Variants in FOCAD observed in about 807,000 individuals in gnomAD.
FOCAD encodes KIAA1797.
A neutral mutation model predicts 225.6 loss-of-function variants in FOCAD; 198 were observed. The ratio of observed to expected loss-of-function variants is 0.88; its 90% CI spans 0.78 to 0.99. The LOEUF is 0.99. Among genes scored for constraint, FOCAD ranks in the 50% least tolerant of loss-of-function variants. The pLI is 0.00. For missense variants in FOCAD, 2,713 were observed against 2,123.6 expected (o/e 1.28, Z -5.46); for synonymous variants, 897 against 755.0 (o/e 1.19, Z -3.08).
intron 11 of FOCAD, among the ~76,000 whole-genome samples, chr9:20,810,995 A>T (rs1244753300): frequency 6.6e-6 from 1 of 152,008 alleles, no homozygotes; most frequent in Admixed American, 6.6e-5. Flanking sequence ...GGATGGGCTA[A>T]TTTTTCTGAT....
intron 4 of FOCAD, among the ~76,000 whole-genome samples, chr9:20,738,871 C>A (rs1021018940): frequency 6.6e-6 from 1 of 152,124 alleles, no homozygotes; most frequent in Non-Finnish European, 1.5e-5. Flanking sequence ...CCCAATATAT[C>A]AAAAATATTA....
intron 26 of FOCAD, among the ~76,000 whole-genome samples, chr9:20,928,522 C>T (rs747326186): frequency 3.3e-5 from 5 of 152,102 alleles, no homozygotes; most frequent in African/African-American, 9.7e-5. Flanking sequence ...GAATGATAAA[C>T]GGGCTTTCTT....
intron 22 of FOCAD, among the ~76,000 whole-genome samples, chr9:20,910,122 A>G (rs1374478419): frequency 6.6e-6 from 1 of 152,060 alleles, no homozygotes; most frequent in African/African-American, 2.4e-5. Flanking sequence ...GTTTTTAACT[A>G]TAAATATATC....
At chr9:20,662,919 A>G (rs1186647238) in intron 2 of FOCAD, among the ~76,000 whole-genome samples, 1 of 152,256 alleles carries the variant, frequency 6.6e-6, no homozygotes, top group Non-Finnish European at 1.5e-5. Flanking sequence ...TTCAAATAAC[A>G]TAATAGAAAA....
chr9:20,663,836 G>A (rs991913918), intron 2 of FOCAD, among the ~76,000 whole-genome samples: 1 of 152,162 alleles, frequency 6.6e-6, no homozygotes, highest in Non-Finnish European at 1.5e-5. Context: ...CTTACAAAGT[G>A]TACTTTATAT....
rs148685443 is a variant in FOCAD at position 20,946,729 on chromosome 9, G to A, written c.3584G>A (p.Cys1195Tyr). The A allele has an allele frequency of 2.5e-4, 404 of 1,613,508 alleles. No homozygotes were observed. In the African/African-American group the frequency reaches 3.1e-3, roughly 12 times the overall value. The change falls in exon 30 of 44, where the codon TGT becomes TAT. Residue 1195 changes from cysteine to tyrosine, a missense_variant. Cys to Tyr is a radical substitution (Grantham distance 194, BLOSUM62 -2). Transcript: ENST00000338382. ...EVLAYTLSCV[C>Y]TSAFSAGIIE... ...CTTGCCTACACACTTAGCTGTGTAT[G>A]TACATCAGCGTTCAGTGCTGGAATT...
intron 11 of FOCAD, among the ~76,000 whole-genome samples, chr9:20,805,106 T>C (rs1050372870): frequency 6.6e-6 from 1 of 152,220 alleles, no homozygotes; most frequent in Admixed American, 6.5e-5. Context: ...GTGGTTTATG[T>C]CGAAATCAAG....
intron 27 of FOCAD, among the ~76,000 whole-genome samples, chr9:20,932,764 A>C (rs114502813): frequency 0.011 from 1,633 of 152,312 alleles, 24 homozygotes; most frequent in African/African-American, 0.037. Flanking sequence ...AAAATCAAAA[A>C]TAGGAGATTT....
At chr9:20,983,405 C>G (rs987177719) in intron 39 of FOCAD, among the ~76,000 whole-genome samples, 3 of 151,948 alleles carry the variant, frequency 2.0e-5, no homozygotes, top group Non-Finnish European at 4.4e-5. Context: ...AACCCCGTCT[C>G]TACTAAAGGT....
chr9:20,790,104 T>G (rs1296079193), intron 11 of FOCAD, among the ~76,000 whole-genome samples: 1 of 152,202 alleles, frequency 6.6e-6, no homozygotes, highest in Admixed American at 6.5e-5. Context: ...CTATATATGG[T>G]ACGGATCTGC....
At chr9:20,962,417 C>CAT (rs1554743599) in intron 35 of FOCAD, among the ~76,000 whole-genome samples, 41 of 149,194 alleles carry the variant, frequency 2.7e-4, no homozygotes, top group African/African-American at 8.4e-4. Flanking sequence ...TATACACACA[C>CAT]ACATACATAC....
chr9:20,862,840 T>A lies in FOCAD; in HGVS notation c.2055+128T>A, dbSNP rs1418754932. The A allele has an allele frequency of 6.7e-6, 7 of 1,038,542 alleles. No individual in the cohort carries two copies. The Admixed American group carries it at 1.1e-4, about 16-fold the overall frequency. The allele number at this position is 1,038,542 out of a possible 1,614,324, so 64.3% of individuals were successfully genotyped here. A position where few individuals can be genotyped will look rare whatever the true frequency, so the allele number is the denominator to read the frequency against. On this transcript the variant is annotated intron_variant, in intron 16 of 43. Transcript: ENST00000338382. ...GTTGTTCTGAGACCATGTTGATATG[T>A]TTATGGACTCTTAGGAGTAAGATAG...
At chr9:20,883,677 GA>G (rs1462923333) in intron 20 of FOCAD, among the ~76,000 whole-genome samples, 2 of 152,180 alleles carry the variant, frequency 1.3e-5, no homozygotes, top group Non-Finnish European at 2.9e-5. Flanking sequence ...AATCAAAATG[GA>G]AATGAGAAGA....
chr9:20,677,796 A>T (rs1488194669), intron 2 of FOCAD, among the ~76,000 whole-genome samples: 1 of 152,228 alleles, frequency 6.6e-6, no homozygotes, highest in Non-Finnish European at 1.5e-5. Context: ...ATACTAAAAA[A>T]TAGAACTATA....
At chr9:20,728,715 G>T (rs958137351) in intron 4 of FOCAD, among the ~76,000 whole-genome samples, 6 of 152,180 alleles carry the variant, frequency 3.9e-5, no homozygotes, top group Non-Finnish European at 5.9e-5. Context: ...CCCAAGAAAG[G>T]ACTTATTCCA....
At chr9:20,723,013 C>T (rs1263866513) in intron 4 of FOCAD, among the ~76,000 whole-genome samples, 1 of 152,240 alleles carries the variant, frequency 6.6e-6, no homozygotes, top group East Asian at 1.9e-4. Flanking sequence ...TTAGATTATA[C>T]CTTTAATTCT....
At chr9:20,815,584 T>C (rs1299862144) in intron 11 of FOCAD, among the ~76,000 whole-genome samples, 1 of 151,354 alleles carries the variant, frequency 6.6e-6, no homozygotes, top group African/African-American at 2.4e-5. Context: ...GCAAGATTTC[T>C]GCTGAGAAAT....
intron 1 of FOCAD, among the ~76,000 whole-genome samples, chr9:20,700,052 G>A (rs1823813309): frequency 6.6e-6 from 1 of 151,284 alleles, no homozygotes; most frequent in Middle Eastern, 3.2e-3. Flanking sequence ...GATTGCAAAC[G>A]TTAACTAATA....
At chr9:20,918,484 G>A (rs572981149) in intron 24 of FOCAD, among the ~76,000 whole-genome samples, 1 of 152,220 alleles carries the variant, frequency 6.6e-6, no homozygotes, top group South Asian at 2.1e-4. Flanking sequence ...AGCACTTTGG[G>A]AGGCTGAGGC....
Sources: allele counts gnomAD v4.1 joint callset (sites outside exome capture counted in the v4.1 genomes callset), GRCh38; gene constraint gnomAD v4.1.1; transcripts MANE v1.5; gene names NCBI Gene and HGNC (gene_info 2026-07-23, HGNC 2026-07-21).